Variants in LPA observed in about 807,000 individuals in gnomAD.
LPA encodes lipoprotein(a), also known as apolipoprotein(a).
In LPA, 199 loss-of-function variants were observed where a neutral mutation model predicts 197.9. The observed-to-expected ratio is 1.01, with a 90% confidence interval of 0.90 to 1.13. The LOEUF is 1.13. Ranked by LOEUF, LPA falls within the 50% of genes most tolerant of loss-of-function variation. The pLI, the probability that LPA is intolerant of heterozygous loss-of-function variation, is 0.00. For synonymous variants in LPA, 715 were observed against 639.5 expected (o/e 1.12, Z -1.78); for missense variants, 1,853 against 1,785.8 (o/e 1.04, Z -0.68).
chr6:160,611,595 G>T lies in LPA; in HGVS notation c.2570C>A (p.Ser857Ter). ...CQAWSSMTPH[S>*]HSRTPEYYPN... ...GTAGTATTCTGGGGTCCGACTATGC[G>T]AGTGTGGTGTCATAGATGACCAAGC... Residue 857 changes from serine to a stop codon, truncating the protein, a stop_gained, in exon 16 of 39, where the codon TCG (serine) becomes TAG (stop). Transcript: ENST00000316300. LOFTEE classifies it high-confidence loss of function. The T allele has an allele frequency of 6.2e-7, 1 of 1,602,966 alleles. No homozygotes were observed. The highest frequency in any genetic ancestry group is 8.5e-7 in the Non-Finnish European group (1 of 1,178,202).
At chr6:160,596,028 C>T (rs930484430) in intron 20 of LPA, among the ~76,000 whole-genome samples, 1 of 152,210 alleles carries the variant, frequency 6.6e-6, no homozygotes, top group Non-Finnish European at 1.5e-5. Context: ...TGTCTCTCTA[C>T]AGGACTACAC....
chr6:160,658,801 T>C (rs781438268), intron 1 of LPA, among the ~76,000 whole-genome samples: 53 of 152,014 alleles, frequency 3.5e-4, no homozygotes, highest in Non-Finnish European at 6.5e-4. Flanking sequence ...AATATTCTGT[T>C]CCTCAAGAAC....
At chr6:160,584,152 A>ATAT (rs1778850659) in intron 26 of LPA, among the ~76,000 whole-genome samples, 2 of 150,994 alleles carry the variant, frequency 1.3e-5, no homozygotes, top group African/African-American at 4.9e-5. Flanking sequence ...ATATATAAAT[A>ATAT]TATGCACTCA....
chr6:160,564,949 C>A (rs996433181), intron 28 of LPA, among the ~76,000 whole-genome samples: 4 of 152,204 alleles, frequency 2.6e-5, no homozygotes, highest in Non-Finnish European at 5.9e-5. Context: ...TGAGACCGAA[C>A]TGCAAGGCGG....
chr6:160,600,826 G>C (rs1039098707), intron 19 of LPA, 91 bp downstream of exon 19: 1 of 1,391,940 alleles, frequency 7.2e-7, no homozygotes, highest in African/African-American at 1.4e-5. Flanking sequence ...ACGAGAACCA[G>C]TGTAGCACTG....
At chr6:160,561,578 T>C (rs1419383821) in intron 28 of LPA, among the ~76,000 whole-genome samples, 1 of 152,194 alleles carries the variant, frequency 6.6e-6, no homozygotes, top group Admixed American at 6.6e-5. Context: ...CCATATGAAA[T>C]TGAAAGTAGT....
chr6:160,660,303 G>A (rs920327245), intron 1 of LPA, among the ~76,000 whole-genome samples: 1 of 152,070 alleles, frequency 6.6e-6, no homozygotes, highest in South Asian at 2.1e-4. Flanking sequence ...ATCTTAAGGG[G>A]CATTCTTTTC....
chr6:160,608,638 T>C lies in LPA; in HGVS notation c.2604-1980A>G, dbSNP rs116850263. Among the ~76,000 whole-genome samples, 1,047 of 152,298 alleles carry C rather than the reference T, an allele frequency of 6.9e-3. 16 individuals carry two copies. Among genetic ancestry groups the C allele is most frequent in the Middle Eastern group, 0.014 (4 of 294 alleles). On this transcript the variant is annotated intron_variant, in intron 16 of 38. Coordinates refer to ENST00000316300, the MANE Select transcript of LPA (RefSeq NM_005577.4). ...TGCATTGAATTTCGTGTTTTTGCGA[T>C]TTTGTTAATATTCTTGATCAATGAA...
intron 1 of LPA, among the ~76,000 whole-genome samples, chr6:160,653,500 ATAATGAG>A (rs60742360): frequency 0.8 from 121,028 of 150,394 alleles, 49,372 homozygotes; most frequent in African/African-American, 0.95. Context: ...TTAGAACTCA[ATAATGAG>A]TAATGAGTTC....
intron 20 of LPA, among the ~76,000 whole-genome samples, chr6:160,598,468 C>A (rs1779173619): frequency 1.3e-5 from 2 of 152,208 alleles, no homozygotes; most frequent in African/African-American, 4.8e-5. Flanking sequence ...TGAAGAAAGC[C>A]AAGGCATTGA....
In LPA at chr6:160,610,991, C is replaced by T. The variant is rs562170561; in HGVS notation, c.2603+571G>A. On this transcript the variant is annotated intron_variant, in intron 16 of 38. Coordinates refer to ENST00000316300, the MANE Select transcript of LPA (RefSeq NM_005577.4). The stretch of plus-strand genomic sequence containing the variant: ...ACCCATCCCTTTTACTTTTCAGCAT[C>T]CCTCTCTGTGCTGACTCTCATCTGC... 1.8e-3 allele frequency among the ~76,000 whole-genome samples: 275 copies of T among 152,252 alleles called. 8 individuals carry two copies. Among genetic ancestry groups the T allele is most frequent in the South Asian group, 0.017 (84 of 4,824 alleles).
At chr6:160,594,219 T>A (rs1779087404) in intron 21 of LPA, 102 bp from the exon 22 acceptor site, 3 of 1,421,862 alleles carry the variant, frequency 2.1e-6, no homozygotes, top group Non-Finnish European at 3.0e-6. Flanking sequence ...TGAGAAAGAC[T>A]ACCATGCTCT....
chr6:160,539,941 C>G, intron 36 of LPA, 102 bp downstream of exon 36: 1 of 1,523,590 alleles, frequency 6.6e-7, no homozygotes, highest in Non-Finnish European at 9.1e-7. Flanking sequence ...ATGTGATAGA[C>G]AGTTCCTCCC....
intron 30 of LPA, among the ~76,000 whole-genome samples, chr6:160,550,473 C>A (rs73784279): frequency 0.021 from 3,144 of 152,282 alleles, 105 homozygotes; most frequent in African/African-American, 0.071. Flanking sequence ...GTTCTCCAAG[C>A]AGCTGGCTGT....
intron 17 of LPA, among the ~76,000 whole-genome samples, 160 bp from the exon 18 acceptor site, chr6:160,605,365 T>G (rs1045907888): frequency 2.0e-5 from 3 of 152,196 alleles, no homozygotes; most frequent in African/African-American, 7.2e-5. Context: ...GCAGATGGAC[T>G]TGAGAAAAGC....
intron 26 of LPA, 117 bp from the exon 27 acceptor site, chr6:160,578,821 T>G: frequency 4.2e-6 from 6 of 1,416,918 alleles, no homozygotes; most frequent in Non-Finnish European, 4.9e-6. Flanking sequence ...ATATTCCCAT[T>G]ATACCACAAT....
chr6:160,647,617 A>C (rs1256840960), intron 2 of LPA, among the ~76,000 whole-genome samples: 1 of 152,178 alleles, frequency 6.6e-6, no homozygotes. Context: ...AACAAACCTC[A>C]GAGTTAAAAA....
chr6:160,549,407 A>G (rs985045958), intron 30 of LPA, among the ~76,000 whole-genome samples: 1 of 152,208 alleles, frequency 6.6e-6, no homozygotes, highest in African/African-American at 2.4e-5. Flanking sequence ...TGTGTCTTAT[A>G]GATTGTTATG....
intron 1 of LPA, 140 bp from the exon 2 acceptor site, chr6:160,650,637 C>G (rs1369467548): frequency 2.7e-6 from 2 of 738,020 alleles, no homozygotes; most frequent in Non-Finnish European, 4.8e-6. Context: ...GACAGACGTG[C>G]AAAAAACCAA....
Sources: gnomAD v4.1 joint callset for allele counts (sites outside exome capture counted in the v4.1 genomes callset) on GRCh38, gnomAD v4.1.1 for gene constraint, MANE v1.5 for transcripts, NCBI Gene and HGNC (gene_info 2026-07-23, HGNC 2026-07-21) for gene names.